OGN: variants seen among roughly 807,000 people sequenced by gnomAD.
The protein encoded by OGN is mimecan.
A neutral mutation model predicts 30.8 loss-of-function variants in OGN; 19 were observed. That is an observed-to-expected ratio of 0.62 (90% CI 0.43 to 0.90). The LOEUF (loss-of-function observed/expected upper bound fraction) is 0.90. Among genes scored for constraint, OGN ranks in the 40% least tolerant of loss-of-function variants. The probability of loss-of-function intolerance (pLI) is 0.00; values close to 1 mark genes in which losing one functional copy is unlikely to be tolerated. For missense variants in OGN, 283 were observed against 349.7 expected, an observed-to-expected ratio of 0.81 and a Z score of 1.52; for synonymous variants, 126 against 128.3, an observed-to-expected ratio of 0.98 and a Z score of 0.12.
At chr9:92,386,365 A>G (rs1842421684) in intron 5 of OGN, 69 bp from the exon 6 acceptor site, 4 of 896,222 alleles carry the variant, frequency 4.5e-6, no homozygotes, top group South Asian at 2.7e-5. Flanking sequence ...CAAGCAATAT[A>G]TATGTGCATA....
At position 92,397,560 on chromosome 9, in the gene OGN, C is replaced by T. The variant is rs144855506; in HGVS notation, c.268+3532G>A. ...GGCCAGGCTTGTCTCAAATTCCTAA[C>T]TTCAGGTGGTCCACCCGCCTTGGCC... On this transcript the variant is annotated intron_variant, in intron 3 of 6. Coordinates refer to ENST00000375561, the MANE Select transcript of OGN (RefSeq NM_014057.5). Among the ~76,000 whole-genome samples the T allele has an allele frequency of 4.6e-4, 70 of 152,284 alleles. No homozygotes were observed. The East Asian group carries it at 0.012, about 26-fold the overall frequency.
chr9:92,387,179 C>T (rs947033640), intron 5 of OGN, among the ~76,000 whole-genome samples: 1 of 151,732 alleles, frequency 6.6e-6, no homozygotes, highest in Non-Finnish European at 1.5e-5. Context: ...TCGAGACCAG[C>T]CTGGCCAACA....
intron 3 of OGN, among the ~76,000 whole-genome samples, chr9:92,399,843 C>A (rs1207875620): frequency 1.3e-5 from 2 of 152,030 alleles, no homozygotes; most frequent in African/African-American, 4.8e-5. Flanking sequence ...ATTTTCTATT[C>A]TATTTCATTG....
intron 3 of OGN, among the ~76,000 whole-genome samples, chr9:92,398,596 G>T (rs1213869364): frequency 1.3e-5 from 2 of 151,374 alleles, no homozygotes; most frequent in Non-Finnish European, 2.9e-5. Flanking sequence ...TTAGTTCTTA[G>T]AGATCTTCCT....
At position 92,384,554 on chromosome 9, in the gene OGN, T is replaced by C. The variant is rs1588078205; in HGVS notation, c.*1066A>G. On this transcript the variant is annotated 3_prime_UTR_variant, in exon 7 of 7. Coordinates refer to ENST00000375561, the MANE Select transcript of OGN (RefSeq NM_014057.5). ...TTACTCTGGCACCACTGAGTCATCA[T>C]AAATTATTACTCTCAGATAGAAGAT... is the stretch of plus-strand genomic sequence containing the variant. 3 of 152,318 alleles carry C rather than the reference T, an allele frequency of 2.0e-5. No individual in the cohort carries two copies. The highest frequency in any genetic ancestry group is 7.2e-5 in the African/African-American group (3 of 41,594). The allele number at this position is 152,318 out of a possible 1,614,324, so 9.4% of individuals were successfully genotyped here. A position where few individuals can be genotyped will look rare whatever the true frequency, so the allele number is the denominator to read the frequency against.
At chr9:92,391,602 C>CA (rs376166761) in intron 4 of OGN, among the ~76,000 whole-genome samples, 7 of 151,678 alleles carry the variant, frequency 4.6e-5, no homozygotes, top group Admixed American at 4.6e-4. Context: ...CTGTCTCAAA[C>CA]AAAAAAACCC....
chr9:92,386,663 C>G (rs1185681786), intron 5 of OGN, among the ~76,000 whole-genome samples: 1 of 152,150 alleles, frequency 6.6e-6, no homozygotes, highest in Non-Finnish European at 1.5e-5. Context: ...GACCCTGGTG[C>G]TGCCATAACC....
chr9:92,400,634 A>G (rs1843074983), intron 3 of OGN, among the ~76,000 whole-genome samples: 1 of 152,202 alleles, frequency 6.6e-6, no homozygotes, highest in East Asian at 1.9e-4. Context: ...AGTACACAGG[A>G]ATTATTAAGT....
Position 92,402,297 on chromosome 9 carries a change from G to C in OGN, c.174+937C>G, listed in dbSNP as rs926198026. On this transcript the variant is annotated intron_variant, in intron 2 of 6. Transcript: ENST00000375561. ...AAGCATTAACTGAAAGAAAGAAACT[G>C]TGGTGTTAACATTTGCTCATTGTGT... 3.3e-5 allele frequency among the ~76,000 whole-genome samples: 5 copies of C among 152,144 alleles called. No homozygotes were observed. In the East Asian group the frequency reaches 7.7e-4, roughly 23 times the overall value.
At chr9:92,403,625 G>T in intron 1 of OGN, 143 bp from the exon 2 acceptor site, 1 of 1,194,466 alleles carries the variant, frequency 8.4e-7, no homozygotes, top group Non-Finnish European at 1.0e-6. Flanking sequence ...ATGTATCAGT[G>T]AACATTCTGA....
chr9:92,403,147 C>T lies in OGN; in HGVS notation c.174+87G>A, dbSNP rs985333299. On this transcript the variant is annotated intron_variant, in intron 2 of 6. Coordinates refer to ENST00000375561, the MANE Select transcript of OGN (RefSeq NM_014057.5). ...TTAAAGTGATTTTCCCTTCCCCTTA[C>T]CTTATCAGACACATTCAGGAAAAGC... is the stretch of plus-strand genomic sequence containing the variant. 8.6e-6 allele frequency: 7 copies of T among 816,338 alleles called. No individual in the cohort carries two copies. In the Admixed American group the frequency reaches 1.9e-4, roughly 23 times the overall value. The allele number at this position is 816,338 out of a possible 1,614,324, so 50.6% of individuals were successfully genotyped here. A position where few individuals can be genotyped will look rare whatever the true frequency, so the allele number is the denominator to read the frequency against.
In OGN at chr9:92,399,935, G is replaced by A. The variant is rs73520515; in HGVS notation, c.268+1157C>T. ...ATATATTTTAATGTGTAGTACATCT[G>A]ATTCCTACATATACTTGTTACTGTT... On this transcript the variant is annotated intron_variant, in intron 3 of 6. Transcript: ENST00000375561. Among the ~76,000 whole-genome samples, 721 of 152,128 alleles carry A rather than the reference G, an allele frequency of 4.7e-3. 7 individuals are homozygous for A. Among genetic ancestry groups the A allele is most frequent in the African/African-American group, 0.016 (677 of 41,518 alleles).
chr9:92,389,832 A>T, intron 5 of OGN, 22 bp downstream of exon 5: 2 of 1,500,748 alleles, frequency 1.3e-6, no homozygotes. Context: ...TACTATGCTT[A>T]GTTTTACTAT....
At position 92,385,525 on chromosome 9, in the gene OGN, G is replaced by T; in HGVS notation, c.*95C>A. The T allele has an allele frequency of 9.7e-7, 1 of 1,031,498 alleles. No individual in the cohort carries two copies. Among genetic ancestry groups the T allele is most frequent in the Non-Finnish European group, 1.4e-6 (1 of 698,186 alleles). The allele number at this position is 1,031,498 out of a possible 1,614,324, so 63.9% of individuals were successfully genotyped here. On this transcript the variant is annotated 3_prime_UTR_variant, in exon 7 of 7. Coordinates refer to ENST00000375561, the MANE Select transcript of OGN (RefSeq NM_014057.5). ...AAATTCCTTCAAAATGAGATACAAG[G>T]TTAATATTAAACCAATACTTAAGTT...
chr9:92,404,349 G>A (rs1039251305), intron 1 of OGN, 147 bp downstream of exon 1: 6 of 363,998 alleles, frequency 1.6e-5, no homozygotes, highest in Admixed American at 5.7e-5. Flanking sequence ...AAATTTATGC[G>A]ATGATATACA....
At chr9:92,391,963 C>G (rs1842705139) in intron 4 of OGN, among the ~76,000 whole-genome samples, 1 of 151,442 alleles carries the variant, frequency 6.6e-6, no homozygotes, top group Non-Finnish European at 1.5e-5. Flanking sequence ...CAGCATGAAC[C>G]TGGTTATGGT....
chr9:92,400,633 G>A (rs1843074844), intron 3 of OGN, among the ~76,000 whole-genome samples: 1 of 152,096 alleles, frequency 6.6e-6, no homozygotes, highest in Admixed American at 6.5e-5. Flanking sequence ...AAGTACACAG[G>A]AATTATTAAG....
At chr9:92,402,948 A>T (rs1346781665) in intron 2 of OGN, among the ~76,000 whole-genome samples, 10 of 152,224 alleles carry the variant, frequency 6.6e-5, no homozygotes, top group Admixed American at 5.9e-4. Context: ...ATTACTTAAT[A>T]TATAAATTGC....
At chr9:92,398,501 C>T in intron 3 of OGN, among the ~76,000 whole-genome samples, 1 of 151,688 alleles carries the variant, frequency 6.6e-6, no homozygotes, top group African/African-American at 2.4e-5. Flanking sequence ...CCTTTTCTTT[C>T]TTACATGAAA....
Sources: gnomAD v4.1 joint callset for allele counts (sites outside exome capture counted in the v4.1 genomes callset) on GRCh38, gnomAD v4.1.1 for gene constraint, MANE v1.5 for transcripts, NCBI Gene and HGNC (gene_info 2026-07-23, HGNC 2026-07-21) for gene names.